The following ASIC2 variants were observed in gnomAD, a reference collection of about 807,000 sequenced individuals.
ASIC2 encodes acid sensing ion channel subunit 2, also known as acid-sensing ion channel 2.
In ASIC2, 25 loss-of-function variants were observed where a neutral mutation model predicts 57.3. The observed-to-expected ratio is 0.44, with a 90% confidence interval of 0.32 to 0.61. The LOEUF is 0.61. Among genes scored for constraint, ASIC2 ranks in the 20% least tolerant of loss-of-function variants. The pLI is 0.06. For missense variants in ASIC2, 641 were observed against 738.1 expected (o/e 0.87, Z 1.52); for synonymous variants, 319 against 307.5 (o/e 1.04, Z -0.39).
intron 1 of ASIC2, among the ~76,000 whole-genome samples, chr17:33,260,836 C>T (rs369874249): frequency 1.1e-4 from 17 of 152,154 alleles, no homozygotes; most frequent in South Asian, 2.1e-4. Flanking sequence ...AGCCCCAGTG[C>T]GTCTGCATGT....
At chr17:33,208,635 A>G (rs1022116159) in intron 1 of ASIC2, among the ~76,000 whole-genome samples, 4 of 151,952 alleles carry the variant, frequency 2.6e-5, no homozygotes, top group Admixed American at 1.3e-4. Flanking sequence ...TTCTATTTTT[A>G]TCATAAAATT....
chr17:33,944,142 G>A (rs890686132), intron 1 of ASIC2, among the ~76,000 whole-genome samples: 5 of 152,130 alleles, frequency 3.3e-5, no homozygotes, highest in Admixed American at 6.5e-5. Flanking sequence ...ACTTGCTGAT[G>A]TTTCTGAATT....
At chr17:33,628,594 C>G (rs921938485) in intron 1 of ASIC2, among the ~76,000 whole-genome samples, 1 of 152,066 alleles carries the variant, frequency 6.6e-6, no homozygotes, top group Admixed American at 6.6e-5. Flanking sequence ...CCTCGCCAAC[C>G]CTATCTGGCT....
intron 1 of ASIC2, among the ~76,000 whole-genome samples, chr17:33,446,039 C>T (rs1348104588): frequency 6.6e-6 from 1 of 151,816 alleles, no homozygotes; most frequent in Non-Finnish European, 1.5e-5. Flanking sequence ...GTACCATTTC[C>T]ATAGGGACTT....
chr17:33,369,933 C>T (rs1207347506), intron 1 of ASIC2, among the ~76,000 whole-genome samples: 9 of 152,178 alleles, frequency 5.9e-5, no homozygotes, highest in Non-Finnish European at 1.0e-4. Flanking sequence ...CTTTTAACCC[C>T]ATAAGCCATA....
intron 1 of ASIC2, among the ~76,000 whole-genome samples, chr17:33,558,178 CAAAG>C (rs991528365): frequency 3.3e-5 from 5 of 150,182 alleles, no homozygotes; most frequent in African/African-American, 1.2e-4. Flanking sequence ...AGACACAAGA[CAAAG>C]AGATAAAAGA....
chr17:33,962,386 A>G (rs1191519441), intron 1 of ASIC2, among the ~76,000 whole-genome samples: 2 of 152,182 alleles, frequency 1.3e-5, no homozygotes, highest in Non-Finnish European at 2.9e-5. Context: ...AGATGCTCTA[A>G]TACCCAAGGA....
At chr17:34,085,228 A>C (rs1324197727) in intron 1 of ASIC2, among the ~76,000 whole-genome samples, 2 of 152,166 alleles carry the variant, frequency 1.3e-5, no homozygotes, top group Non-Finnish European at 2.9e-5. Flanking sequence ...TACCTAATTT[A>C]TTGAGAGTTT....
chr17:33,608,413 T>C (rs1905291378), intron 1 of ASIC2, among the ~76,000 whole-genome samples: 1 of 152,158 alleles, frequency 6.6e-6, no homozygotes, highest in African/African-American at 2.4e-5. Flanking sequence ...GAGACTCATA[T>C]ATTTTCGGCA....
chr17:33,518,501 G>C (rs1018482128), intron 1 of ASIC2, among the ~76,000 whole-genome samples: 1 of 152,154 alleles, frequency 6.6e-6, no homozygotes, highest in African/African-American at 2.4e-5. Flanking sequence ...GATCTGGGTG[G>C]GTTCCTTTCC....
At chr17:33,067,353 A>G (rs1386364086) in intron 3 of ASIC2, among the ~76,000 whole-genome samples, 1 of 152,182 alleles carries the variant, frequency 6.6e-6, no homozygotes, top group Non-Finnish European at 1.5e-5. Context: ...GTGGCATGGA[A>G]GGAAGTGTTG....
intron 1 of ASIC2, among the ~76,000 whole-genome samples, chr17:34,151,105 G>GA (rs56803983): frequency 0.29 from 35,416 of 123,286 alleles, 5,365 homozygotes; most frequent in Non-Finnish European, 0.37. Flanking sequence ...TCCATCTCAA[G>GA]AAAAAAAAAA....
intron 1 of ASIC2, among the ~76,000 whole-genome samples, chr17:33,877,991 C>T (rs973391556): frequency 3.3e-5 from 5 of 152,206 alleles, no homozygotes; most frequent in Non-Finnish European, 7.3e-5. Context: ...GATACCCAGG[C>T]AAACAGGGTC....
At chr17:34,024,983 G>A (rs1408732718) in intron 1 of ASIC2, among the ~76,000 whole-genome samples, 2 of 152,230 alleles carry the variant, frequency 1.3e-5, no homozygotes, top group Admixed American at 1.3e-4. Flanking sequence ...ATGACTCACT[G>A]AATGCAGAGC....
intron 1 of ASIC2, among the ~76,000 whole-genome samples, chr17:33,700,257 C>T (rs1908655585): frequency 6.6e-6 from 1 of 152,032 alleles, no homozygotes; most frequent in African/African-American, 2.4e-5. Flanking sequence ...CTTTGCTTTC[C>T]TCTGGACTCT....
chr17:33,140,522 C>T (rs1318067524), intron 1 of ASIC2, among the ~76,000 whole-genome samples: 1 of 152,202 alleles, frequency 6.6e-6, no homozygotes, highest in Non-Finnish European at 1.5e-5. Context: ...CTGTGGTTAG[C>T]ATTGCAGGAA....
At chr17:33,279,606 A>T (rs982512818) in intron 1 of ASIC2, among the ~76,000 whole-genome samples, 1 of 152,104 alleles carries the variant, frequency 6.6e-6, no homozygotes, top group African/African-American at 2.4e-5. Context: ...TAAAAATTCC[A>T]GTCTGGCCTG....
intron 1 of ASIC2, among the ~76,000 whole-genome samples, chr17:33,208,722 G>T (rs1907162391): frequency 6.6e-6 from 1 of 151,922 alleles, no homozygotes; most frequent in African/African-American, 2.4e-5. Flanking sequence ...GTAAAATGCA[G>T]GATCTATGAA....
At chr17:33,373,269 C>T (rs1909151023) in intron 1 of ASIC2, among the ~76,000 whole-genome samples, 1 of 152,178 alleles carries the variant, frequency 6.6e-6, no homozygotes, top group South Asian at 2.1e-4. Flanking sequence ...TCTGAAACCA[C>T]CTTTGCAAAA....
Sources: allele counts gnomAD v4.1 joint callset (sites outside exome capture counted in the v4.1 genomes callset), GRCh38; gene constraint gnomAD v4.1.1; transcripts MANE v1.5; gene names NCBI Gene and HGNC (gene_info 2026-07-23, HGNC 2026-07-21).